Variants in ZNF804B observed in about 807,000 individuals in gnomAD.
ZNF804B encodes the protein zinc finger 804B.
In ZNF804B, 80 loss-of-function variants were observed where a neutral mutation model predicts 101.4. The observed-to-expected ratio is 0.79, with a 90% CI of 0.66 to 0.95. ZNF804B has a LOEUF of 0.95. ZNF804B is among the 40% of genes least tolerant of loss of function. ZNF804B has a pLI of 0.00. For missense variants in ZNF804B, 1,673 were observed against 1,561.9 expected, an observed-to-expected ratio of 1.07 and a Z score of -1.20; for synonymous variants, 622 against 558.8, an observed-to-expected ratio of 1.11 and a Z score of -1.59.
intron 2 of ZNF804B, among the ~76,000 whole-genome samples, chr7:89,257,439 A>G (rs568162744): frequency 6.5e-4 from 99 of 152,224 alleles, no homozygotes; most frequent in Non-Finnish European, 1.2e-3. Context: ...TTAATCTCTG[A>G]GTCCTAATTT....
intron 1 of ZNF804B, among the ~76,000 whole-genome samples, chr7:89,068,669 A>G (rs1789491140): frequency 1.3e-5 from 2 of 152,190 alleles, no homozygotes; most frequent in Admixed American, 1.3e-4. Context: ...TAATAGGTCT[A>G]CCTGGAATGT....
chr7:88,974,652 T>A (rs1793589311), intron 1 of ZNF804B, among the ~76,000 whole-genome samples: 1 of 151,312 alleles, frequency 6.6e-6, no homozygotes, highest in African/African-American at 2.4e-5. Context: ...TAAAATTATT[T>A]TTAATTTTTA....
intron 1 of ZNF804B, among the ~76,000 whole-genome samples, chr7:88,890,417 A>G (rs1254304167): frequency 1.3e-5 from 2 of 152,182 alleles, no homozygotes; most frequent in Non-Finnish European, 2.9e-5. Context: ...CTGGTATTGC[A>G]TGGTAAGACC....
At chr7:89,083,081 T>C (rs902455718) in intron 1 of ZNF804B, among the ~76,000 whole-genome samples, 1 of 151,836 alleles carries the variant, frequency 6.6e-6, no homozygotes, top group African/African-American at 2.4e-5. Context: ...CTTTGAAGTT[T>C]TGTAAATGCC....
chr7:89,089,389 A>G (rs2116323463), intron 1 of ZNF804B, among the ~76,000 whole-genome samples: 1 of 152,146 alleles, frequency 6.6e-6, no homozygotes, highest in South Asian at 2.1e-4. Flanking sequence ...CTGAATAGGT[A>G]TATATAGAAT....
Position 89,218,218 on chromosome 7 carries a change from G to T in ZNF804B, c.172G>T (p.Glu58Ter), listed in dbSNP as rs1376240236. ...LEDVKANFYCELCDKQYHKHQ... is the reference protein window; with the variant it reads ...LEDVKANFYC ...AGATGTAAAGGCAAACTTTTACTGT[G>T]AATTATGTGACAAGCAGTATCACAA... Residue 58 changes from glutamate (E) to a stop codon, truncating the protein, a stop_gained, in exon 2 of 4, where the codon GAA (glutamate) becomes TAA (stop). Transcript: ENST00000333190. LOFTEE classifies it high-confidence loss of function. 8 of 1,613,842 alleles carry T rather than the reference G, an allele frequency of 5.0e-6. No individual in the cohort carries two copies. Among genetic ancestry groups the T allele is most frequent in the Non-Finnish European group, 6.8e-6 (8 of 1,179,850 alleles).
chr7:88,916,468 T>C (rs771501911), intron 1 of ZNF804B, among the ~76,000 whole-genome samples: 1 of 152,160 alleles, frequency 6.6e-6, no homozygotes, highest in African/African-American at 2.4e-5. Flanking sequence ...TCTATTGTAT[T>C]GCTAGTGAAC....
At chr7:89,091,605 C>A (rs1310286887) in intron 1 of ZNF804B, among the ~76,000 whole-genome samples, 1 of 152,046 alleles carries the variant, frequency 6.6e-6, no homozygotes, top group Non-Finnish European at 1.5e-5. Flanking sequence ...CATTTGATTC[C>A]TGAGGATTTT....
intron 2 of ZNF804B, among the ~76,000 whole-genome samples, chr7:89,227,113 C>T (rs1478984243): frequency 6.6e-6 from 1 of 152,130 alleles, no homozygotes; most frequent in Non-Finnish European, 1.5e-5. Context: ...TTCTTGTTTC[C>T]TTGATCCCAT....
At chr7:88,825,485 A>C (rs973937036) in intron 1 of ZNF804B, among the ~76,000 whole-genome samples, 6 of 152,038 alleles carry the variant, frequency 3.9e-5, no homozygotes, top group African/African-American at 1.4e-4. Context: ...CATGCTCCCC[A>C]GCCTGCTACT....
At chr7:89,281,161 A>G (rs981215953) in intron 2 of ZNF804B, among the ~76,000 whole-genome samples, 24 of 152,196 alleles carry the variant, frequency 1.6e-4, no homozygotes, top group African/African-American at 5.1e-4. Context: ...AGACCTGTAT[A>G]TAATTATGAT....
intron 1 of ZNF804B, among the ~76,000 whole-genome samples, chr7:89,044,138 A>G (rs759803935): frequency 1.3e-5 from 2 of 152,120 alleles, no homozygotes; most frequent in Non-Finnish European, 2.9e-5. Flanking sequence ...AGAGATGGTT[A>G]CCCCCATGCT....
At chr7:88,799,553 T>A (rs1790547211) in intron 1 of ZNF804B, among the ~76,000 whole-genome samples, 1 of 152,074 alleles carries the variant, frequency 6.6e-6, no homozygotes, top group South Asian at 2.1e-4. Flanking sequence ...TTGGATAAAG[T>A]AAATTTAAAG....
chr7:88,845,756 A>T (rs1791364342), intron 1 of ZNF804B, among the ~76,000 whole-genome samples: 1 of 152,152 alleles, frequency 6.6e-6, no homozygotes, highest in Non-Finnish European at 1.5e-5. Flanking sequence ...CTGTCTTATC[A>T]CAAGAACTTT....
intron 1 of ZNF804B, among the ~76,000 whole-genome samples, chr7:88,896,980 C>T (rs1792299241): frequency 6.6e-6 from 1 of 152,144 alleles, no homozygotes; most frequent in Non-Finnish European, 1.5e-5. Flanking sequence ...TGACTGCCTT[C>T]CAATTCTTCT....
At chr7:88,823,329 T>G (rs1791010171) in intron 1 of ZNF804B, among the ~76,000 whole-genome samples, 1 of 152,196 alleles carries the variant, frequency 6.6e-6, no homozygotes, top group Non-Finnish European at 1.5e-5. Flanking sequence ...CTCAGTGATC[T>G]CCATGATGCC....
At chr7:89,291,424 A>C (rs1790290452) in intron 2 of ZNF804B, among the ~76,000 whole-genome samples, 1 of 152,236 alleles carries the variant, frequency 6.6e-6, no homozygotes, top group Non-Finnish European at 1.5e-5. Context: ...AAATTTAACA[A>C]AGAGATTGAA....
rs1554340159 is a variant in ZNF804B, at chr7:88,854,418, T to TCTTTCTTTCTTCCTTCCTTC, written c.108+94345_108+94346insCCTTCCTTCCTTTCTTTCTT. Among the ~76,000 whole-genome samples the TCTTTCTTTCTTCCTTCCTTC allele has an allele frequency of 8.2e-5, 7 of 85,238 alleles. No individual in the cohort carries two copies. In the East Asian group the frequency reaches 1.3e-3, roughly 15 times the overall value. The allele number at this position is 85,238 out of a possible 152,430, so 55.9% of individuals were successfully genotyped here. ...TTCTTTCTTTCTTTCTTTCTTCCTT[T>TCTTTCTTTCTTCCTTCCTTC]CTTTCTTTCTTTCTTTCTTTCTTTC... On this transcript the variant is annotated intron_variant, in intron 1 of 3. Transcript: ENST00000333190.
chr7:88,790,311 G>T (rs1790358792), intron 1 of ZNF804B, among the ~76,000 whole-genome samples: 2 of 152,080 alleles, frequency 1.3e-5, no homozygotes, highest in Non-Finnish European at 2.9e-5. Context: ...TGCAGGACGT[G>T]CAGATTTTTT....
Sources: allele counts gnomAD v4.1 joint callset (sites outside exome capture counted in the v4.1 genomes callset), GRCh38; gene constraint gnomAD v4.1.1; transcripts MANE v1.5; gene names NCBI Gene and HGNC (gene_info 2026-07-23, HGNC 2026-07-21).